Variants in FRY observed in about 807,000 individuals in gnomAD.
The protein encoded by FRY is protein furry homolog.
FRY carries 128 observed loss-of-function variants against 348.4 expected under a neutral mutation model. The observed-to-expected ratio is 0.37, with a 90% CI of 0.32 to 0.43. FRY has a LOEUF of 0.43. FRY is among the 20% of genes least tolerant of loss of function. The pLI, the probability that FRY is intolerant of heterozygous loss-of-function variation, is 1.00. For synonymous variants in FRY, 1,370 were observed against 1,374.7 expected, an observed-to-expected ratio of 1.00 and a Z score of 0.08; for missense variants, 2,736 against 3,695.2, an observed-to-expected ratio of 0.74 and a Z score of 6.73.
At chr13:32,168,231 C>A (rs1015864742) in intron 17 of FRY, among the ~76,000 whole-genome samples, 1 of 152,150 alleles carries the variant, frequency 6.6e-6, no homozygotes, top group African/African-American at 2.4e-5. Flanking sequence ...ACACAGTCTG[C>A]TGTAGAACCA....
In FRY at chr13:32,239,432, G is replaced by A; in HGVS notation, c.6516+83G>A. 1.2e-6 allele frequency: 1 copy of A among 848,576 alleles called. No homozygotes were observed. The highest frequency in any genetic ancestry group is 2.1e-6 in the Non-Finnish European group (1 of 482,252). 52.6% of individuals were successfully genotyped at this position (848,576 alleles called of 1,614,324 possible). ...TGTCAGGCAAATTACAAGGCCCAGAGATGGCAGTGATTTTCTCAAAAACTG... is the reference window on the plus strand; with the variant it reads ...TGTCAGGCAAATTACAAGGCCCAGAAATGGCAGTGATTTTCTCAAAAACTG... On this transcript the variant is annotated intron_variant, in intron 45 of 60. Transcript: ENST00000542859. This position sits in a 1 kb window ranked among gnomAD's most constrained non-coding sequence, Gnocchi z 4.3.
chr13:32,236,189 T>A lies in FRY; in HGVS notation c.5810+17T>A. On this transcript the variant is annotated intron_variant, in intron 43 of 60. Transcript: ENST00000542859. ...ATTGTCCCGGTGAGAATCAGCTTAA[T>A]GATACTTTGACATCAAGTATACTGC... 6.5e-7 allele frequency: 1 copy of A among 1,542,298 alleles called. No individual in the cohort carries two copies. The highest frequency in any genetic ancestry group is 9.0e-7 in the Non-Finnish European group (1 of 1,114,406).
intron 31 of FRY, among the ~76,000 whole-genome samples, chr13:32,207,665 A>G (rs1371844001): frequency 6.6e-6 from 1 of 152,254 alleles, no homozygotes; most frequent in Non-Finnish European, 1.5e-5. Context: ...TATATGAAAC[A>G]TAATAGCTTA....
In FRY at chr13:32,186,431, T is replaced by C. The variant is rs1194720470; in HGVS notation, c.3480+11T>C. ...TATTGTGCATTAAAAGTAGGTGATA[T>C]TGTACTCACGAATGACTGAGTCAGA... On this transcript the variant is annotated intron_variant, in intron 27 of 60. Coordinates refer to ENST00000542859, the MANE Select transcript of FRY (RefSeq NM_023037.3). 5 of 1,558,268 alleles carry C rather than the reference T, an allele frequency of 3.2e-6. No homozygotes were observed. The highest frequency in any genetic ancestry group is 1.1e-5 in the South Asian group (1 of 89,990).
intron 11 of FRY, among the ~76,000 whole-genome samples, chr13:32,138,257 A>T (rs905607313): frequency 2.0e-5 from 3 of 151,524 alleles, no homozygotes; most frequent in Non-Finnish European, 1.5e-5. Context: ...TTTTTCTATT[A>T]CATTTTACAC....
Position 32,161,232 on chromosome 13 carries a change from C to T in FRY, c.1873C>T (p.Leu625Phe), listed in dbSNP as rs1881426571. Residue 625 changes from leucine to phenylalanine, a missense_variant, in exon 17 of 61, where the codon CTT (leucine) becomes TTT (phenylalanine). Leu to Phe is a conservative substitution (Grantham distance 22). Transcript: ENST00000542859. ...LLPDGMSKLE[L>F]IDLLARLSIH... Reference sequence around the variant, plus strand: ...TCCTGATGGGATGTCAAAACTTGAACTTATTGACTTACTGGCTAGGTAGGT... The same window carrying T: ...TCCTGATGGGATGTCAAAACTTGAATTTATTGACTTACTGGCTAGGTAGGT... 1 of 1,604,340 alleles carries T rather than the reference C, an allele frequency of 6.2e-7. No homozygotes were observed. The highest frequency in any genetic ancestry group is 8.5e-7 in the Non-Finnish European group (1 of 1,171,228).
rs139036210 is a variant in FRY at position 32,222,511 on chromosome 13, C to G, written c.4766-1724C>G. Among the ~76,000 whole-genome samples, 183 of 152,258 alleles carry G rather than the reference C, an allele frequency of 1.2e-3. 1 individual carries two copies. Among genetic ancestry groups the G allele is most frequent in the African/African-American group, 4.3e-3 (180 of 41,532 alleles). ...ACAGAGGTGAGCTACCGCGACCAGC[C>G]AAAACTGTGCTTTATTGAGATGAGG... On this transcript the variant is annotated intron_variant, in intron 36 of 60. Coordinates refer to ENST00000542859, the MANE Select transcript of FRY (RefSeq NM_023037.3).
intron 58 of FRY, among the ~76,000 whole-genome samples, chr13:32,283,314 C>T (rs1034279998): frequency 6.6e-6 from 1 of 152,140 alleles, no homozygotes; most frequent in Non-Finnish European, 1.5e-5. Context: ...GACTCTCCAC[C>T]ATCCCTGCTG....
chr13:32,186,013 A>G (rs1470659643), intron 26 of FRY, among the ~76,000 whole-genome samples: 2 of 152,220 alleles, frequency 1.3e-5, no homozygotes, highest in African/African-American at 2.4e-5. Flanking sequence ...AAATCTCTGC[A>G]GGTCCTATTT....
chr13:32,262,421 C>A lies in FRY; in HGVS notation c.7725C>A (p.Ser2575Arg), dbSNP rs565357679. 1.2e-6 allele frequency: 2 copies of A among 1,613,572 alleles called. No homozygotes were observed. The highest frequency in any genetic ancestry group is 1.7e-6 in the Non-Finnish European group (2 of 1,179,486). The stretch of plus-strand genomic sequence containing the variant: ...ATTCCTTTAACACCAGAATGTCCAG[C>A]TTTGATGCTTCCTTGCCTGATATGA... ...EPHSFNTRMSSFDASLPDMNN... is the reference protein window; with the variant it reads ...EPHSFNTRMSRFDASLPDMNN... The change falls in exon 53 of 61, where the codon AGC becomes AGA. Residue 2575 changes from serine to arginine, a missense_variant. Coordinates refer to ENST00000542859, the MANE Select transcript of FRY (RefSeq NM_023037.3).
At chr13:32,270,781 A>G (rs1449873832) in intron 55 of FRY, among the ~76,000 whole-genome samples, 1 of 152,044 alleles carries the variant, frequency 6.6e-6, no homozygotes, top group Admixed American at 6.5e-5. Flanking sequence ...CATCCGTTAC[A>G]CTTGTGACTC....
intron 3 of FRY, among the ~76,000 whole-genome samples, chr13:32,107,029 A>G (rs1209905240): frequency 6.6e-6 from 1 of 152,052 alleles, no homozygotes; most frequent in Non-Finnish European, 1.5e-5. Context: ...AGTATTTCTA[A>G]ATTTAACCTA....
Position 32,187,564 on chromosome 13 carries a change from T to G in FRY, c.3499T>G (p.Cys1167Gly). The change falls in exon 28 of 61, where the codon TGC (cysteine) becomes GGC (glycine). Residue 1167 changes from cysteine to glycine, a missense_variant. Coordinates refer to ENST00000542859, the MANE Select transcript of FRY (RefSeq NM_023037.3). ...TCATCAGGCAATGTCAGCAGTACTG[T>G]GCTGTGGCCCTGTCTTTGACAATGT... is the stretch of plus-strand genomic sequence containing the variant. ...CALKAMSAVL[C>G]CGPVFDNVGL... The G allele has an allele frequency of 6.2e-7, 1 of 1,607,782 alleles. No individual in the cohort carries two copies. Among genetic ancestry groups the G allele is most frequent in the African/African-American group, 1.3e-5 (1 of 74,930 alleles).
At chr13:32,038,334 A>G (rs148090011) in intron 1 of FRY, 2 of 152,342 alleles carry the variant, frequency 1.3e-5, no homozygotes, top group East Asian at 3.9e-4. Context: ...AGTCTGTCCA[A>G]AAACATATGT....
chr13:32,229,968 C>T (rs530536655), intron 40 of FRY, among the ~76,000 whole-genome samples: 1 of 152,206 alleles, frequency 6.6e-6, no homozygotes, highest in Admixed American at 6.5e-5. Flanking sequence ...TTTAAAATGA[C>T]TCTATAAATT....
intron 17 of FRY, among the ~76,000 whole-genome samples, chr13:32,170,282 A>G (rs1343994561): frequency 3.3e-5 from 5 of 152,194 alleles, no homozygotes; most frequent in Admixed American, 1.3e-4. Context: ...GTGTTCATAT[A>G]CAGTACAGCT....
intron 8 of FRY, among the ~76,000 whole-genome samples, chr13:32,133,764 C>CTTTTT (rs1259372646): frequency 6.5e-4 from 71 of 108,438 alleles, no homozygotes; most frequent in Non-Finnish European, 1.1e-3. Flanking sequence ...TTCTTTCTTT[C>CTTTTT]TTTCTTTTTT....
chr13:32,148,109 C>T (rs1880567912), intron 13 of FRY, among the ~76,000 whole-genome samples, 162 bp downstream of exon 13: 1 of 152,214 alleles, frequency 6.6e-6, no homozygotes, highest in Admixed American at 6.5e-5. Context: ...TATTCTTTTG[C>T]TTCAAAACAA....
intron 1 of FRY, among the ~76,000 whole-genome samples, chr13:32,045,357 C>T (rs1469235217): frequency 6.6e-6 from 1 of 152,236 alleles, no homozygotes; most frequent in Admixed American, 6.5e-5. Context: ...TCCAGGTCTG[C>T]ATCACCTCCC....
Sources: gnomAD v4.1 joint callset for allele counts (sites outside exome capture counted in the v4.1 genomes callset) on GRCh38, gnomAD v4.1.1 for gene constraint, Gnocchi (gnomAD v3.1) non-coding constraint, MANE v1.5 for transcripts, NCBI Gene and HGNC (gene_info 2026-07-23, HGNC 2026-07-21) for gene names.